ADAMTS9: variants seen among roughly 807,000 people sequenced by gnomAD.
The protein encoded by ADAMTS9 is A disintegrin and metalloproteinase with thrombospondin motifs 9.
ADAMTS9 carries 107 observed loss-of-function variants against 257.1 expected under a neutral mutation model. The observed-to-expected ratio is 0.42, with a 90% CI of 0.36 to 0.49. ADAMTS9 has a LOEUF of 0.49. Among genes scored for constraint, ADAMTS9 ranks in the 20% least tolerant of loss-of-function variants. The pLI, the probability that ADAMTS9 is intolerant of heterozygous loss-of-function variation, is 0.03. For missense variants in ADAMTS9, 2,353 were observed against 2,469.1 expected (o/e 0.95, Z 1.00); for synonymous variants, 982 against 880.9 (o/e 1.11, Z -2.03).
intron 30 of ADAMTS9, among the ~76,000 whole-genome samples, chr3:64,559,429 CT>C (rs1310921360): frequency 6.6e-6 from 1 of 152,152 alleles, no homozygotes; most frequent in Non-Finnish European, 1.5e-5. Flanking sequence ...GTATTCCTTC[CT>C]TAGACCCTCC....
Position 64,654,436 on chromosome 3 carries a change from A to C in ADAMTS9, c.1233T>G (p.Ile411Met). 1 of 1,614,152 alleles carries C rather than the reference A, an allele frequency of 6.2e-7. No homozygotes were observed. Among genetic ancestry groups the C allele is most frequent in the South Asian group, 1.1e-5 (1 of 91,070 alleles). ...TAGAACAGCTTCTATAGGGATCACAAATGGTTCCCAGTTCAGCCAGGCCTA... is the reference window on the plus strand; with the variant it reads ...TAGAACAGCTTCTATAGGGATCACACATGGTTCCCAGTTCAGCCAGGCCTA... ...DTLGLAELGT[I>M]CDPYRSCSIS... The change falls in exon 8 of 40, where the codon ATT becomes ATG. Residue 411 changes from isoleucine (I) to methionine (M), a missense_variant. By Grantham distance (10) the Ile-to-Met change is conservative (BLOSUM62 1). Around this residue, in one of 3 missense-constraint regions of ADAMTS9, gnomAD observed 591 missense variants for 569.6 expected, o/e 1.04. Transcript: ENST00000498707.
Position 64,541,981 on chromosome 3 carries a change from A to G in ADAMTS9, c.5065-11T>C, listed in dbSNP as rs1175748241. The G allele has an allele frequency of 1.2e-6, 2 of 1,613,868 alleles. No individual in the cohort carries two copies. The highest frequency in any genetic ancestry group is 8.5e-7 in the Non-Finnish European group (1 of 1,179,884). On this transcript the variant is annotated splice_polypyrimidine_tract_variant and intron_variant, in intron 32 of 39. Coordinates refer to ENST00000498707, the MANE Select transcript of ADAMTS9 (RefSeq NM_182920.2). ...ACAAGACACTGAGCACTGTAAGACA[A>G]ATGAGAGTCAGCGGTGTGGCTATGG...
At chr3:64,683,302 C>G (rs181452791) in intron 2 of ADAMTS9, among the ~76,000 whole-genome samples, 6 of 152,264 alleles carry the variant, frequency 3.9e-5, no homozygotes, top group Admixed American at 3.9e-4. Context: ...CCCAAATTCC[C>G]CTTCAATGGT....
At chr3:64,612,146 C>T (rs369498749) in intron 22 of ADAMTS9, among the ~76,000 whole-genome samples, 99 of 152,062 alleles carry the variant, frequency 6.5e-4, no homozygotes, top group African/African-American at 2.2e-3. Flanking sequence ...TGAATATTTA[C>T]GACCCTTAAA....
chr3:64,550,870 G>T, intron 31 of ADAMTS9, 22 bp downstream of exon 31: 2 of 1,613,072 alleles, frequency 1.2e-6, no homozygotes, highest in South Asian at 1.1e-5. Context: ...GCTGACGATG[G>T]TTACAGTTCC....
Position 64,633,551 on chromosome 3 carries a change from T to G in ADAMTS9, c.2096A>C (p.Tyr699Ser), listed in dbSNP as rs541873839. ...FCRVAGNTAY[Y>S]QLRDRVIDGT... ...ATCTATCACTCTGTCTCGAAGCTGA[T>G]AGTAGGCTGTGTTCCCTGCCACTCT... The change falls in exon 14 of 40, where the codon TAT becomes TCT. Residue 699 changes from tyrosine (Y) to serine (S), a missense_variant. By Grantham distance (144) the Tyr-to-Ser change is moderately radical. This residue lies in a region of ADAMTS9 where 360 missense variants were observed against 458.1 expected (regional missense o/e 0.79). Coordinates refer to ENST00000498707, the MANE Select transcript of ADAMTS9 (RefSeq NM_182920.2). 6.2e-7 allele frequency: 1 copy of G among 1,614,104 alleles called. No individual in the cohort carries two copies. Among genetic ancestry groups the G allele is most frequent in the East Asian group, 2.2e-5 (1 of 44,834 alleles).
intron 28 of ADAMTS9, among the ~76,000 whole-genome samples, chr3:64,575,638 G>T (rs1157931946): frequency 6.6e-6 from 1 of 152,150 alleles, no homozygotes; most frequent in East Asian, 1.9e-4. Flanking sequence ...TTGAGAGTCA[G>T]ACAGGCCTGG....
intron 2 of ADAMTS9, 79 bp from the exon 3 acceptor site, chr3:64,681,442 A>G: frequency 1.4e-6 from 2 of 1,445,966 alleles, no homozygotes; most frequent in East Asian, 4.7e-5. Context: ...AACATTTTCA[A>G]GTAGAGATGG....
intron 37 of ADAMTS9, among the ~76,000 whole-genome samples, chr3:64,536,779 A>G (rs1210587149): frequency 6.6e-6 from 1 of 152,234 alleles, no homozygotes; most frequent in African/African-American, 2.4e-5. Context: ...AATGCTAGCT[A>G]TTAATACCAT....
chr3:64,533,193 A>G lies in ADAMTS9; in HGVS notation c.5691T>C (p.Tyr1897=), dbSNP rs376824318. Residue 1897 remains tyrosine, a synonymous_variant, in exon 38 of 40, where the codon TAT becomes TAC. Transcript: ENST00000498707. Reference sequence around the variant, plus strand: ...GCGACTTCTTGATGTCAGAGACAGCATAATTCCCTTGTGATATCCATCTGG... The same window carrying G: ...GCGACTTCTTGATGTCAGAGACAGCGTAATTCCCTTGTGATATCCATCTGG... The part of the protein sequence containing the change: ...ESARWISQGN[Y]AVSDIKKSPD... 5.0e-6 allele frequency: 8 copies of G among 1,613,972 alleles called. No homozygotes were observed. The African/African-American group carries it at 6.7e-5, about 13-fold the overall frequency.
At chr3:64,526,939 G>T (rs1159300832) in intron 38 of ADAMTS9, among the ~76,000 whole-genome samples, 1 of 151,922 alleles carries the variant, frequency 6.6e-6, no homozygotes, top group Non-Finnish European at 1.5e-5. Context: ...TAAAAGTCTG[G>T]GTAATTATAA....
intron 30 of ADAMTS9, among the ~76,000 whole-genome samples, chr3:64,555,864 C>A (rs968511426): frequency 1.3e-5 from 2 of 152,066 alleles, no homozygotes; most frequent in African/African-American, 4.8e-5. Context: ...GTTTTCAGAG[C>A]AGATTATTTG....
chr3:64,667,037 TA>T (rs1701367991), intron 3 of ADAMTS9, among the ~76,000 whole-genome samples: 1 of 152,154 alleles, frequency 6.6e-6, no homozygotes, highest in South Asian at 2.1e-4. Context: ...GTTTTATTAT[TA>T]TTTTTTTAAG....
rs761991665 is a variant in ADAMTS9, at chr3:64,568,505, G to C, written c.4387C>G (p.Gln1463Glu). The change falls in exon 29 of 40, where the codon CAA becomes GAA. Residue 1463 changes from glutamine to glutamate, a missense_variant. Coordinates refer to ENST00000498707, the MANE Select transcript of ADAMTS9 (RefSeq NM_182920.2). ...TTTGCCATGCAGTAAACATTTCGTTGTTTATGCCCTCGACCACAAGAGACA... is the reference window on the plus strand; with the variant it reads ...TTTGCCATGCAGTAAACATTTCGTTCTTTATGCCCTCGACCACAAGAGACA... ...CSVSCGRGHKQRNVYCMAKDG... is the reference protein window; with the variant it reads ...CSVSCGRGHKERNVYCMAKDG... 1.9e-6 allele frequency: 3 copies of C among 1,613,906 alleles called. No homozygotes were observed. Among genetic ancestry groups the C allele is most frequent in the Non-Finnish European group, 2.5e-6 (3 of 1,179,964 alleles).
chr3:64,573,219 CA>C (rs1269790913), intron 28 of ADAMTS9, among the ~76,000 whole-genome samples: 4 of 152,184 alleles, frequency 2.6e-5, no homozygotes, highest in African/African-American at 9.6e-5. Flanking sequence ...ATGCATGGGC[CA>C]GGGGGACAGC....
chr3:64,682,114 C>G (rs1403328635), intron 2 of ADAMTS9, among the ~76,000 whole-genome samples: 1 of 152,124 alleles, frequency 6.6e-6, no homozygotes, highest in African/African-American at 2.4e-5. Context: ...TGATGTCCTG[C>G]AAGGCTTTGA....
chr3:64,636,804 A>G (rs1700511280), intron 12 of ADAMTS9, among the ~76,000 whole-genome samples: 1 of 152,210 alleles, frequency 6.6e-6, no homozygotes, highest in Non-Finnish European at 1.5e-5. Flanking sequence ...GTATATCAGT[A>G]AGGTTGAGTA....
At chr3:64,642,453 A>T (rs1700672129) in intron 11 of ADAMTS9, among the ~76,000 whole-genome samples, 1 of 151,282 alleles carries the variant, frequency 6.6e-6, no homozygotes, top group Admixed American at 6.6e-5. Context: ...GGGGGAAAAA[A>T]AAAGCGAGTT....
intron 30 of ADAMTS9, among the ~76,000 whole-genome samples, chr3:64,556,240 C>T (rs115666694): frequency 4.6e-5 from 7 of 152,344 alleles, no homozygotes; most frequent in African/African-American, 9.6e-5. Flanking sequence ...TATCTGAGCA[C>T]AGCTTGTCCA....
Sources: gnomAD v4.1 joint callset for allele counts (sites outside exome capture counted in the v4.1 genomes callset) on GRCh38, gnomAD v4.1.1 for gene constraint, gnomAD v4.1.1 regional missense constraint, MANE v1.5 for transcripts, NCBI Gene and HGNC (gene_info 2026-07-23, HGNC 2026-07-21) for gene names.